The following MGAT5 variants were observed in gnomAD, a reference collection of about 807,000 sequenced individuals.
MGAT5 encodes the protein alpha-1,6-mannosylglycoprotein 6-beta-N-acetylglucosaminyltransferase A.
A neutral mutation model predicts 94.3 loss-of-function variants in MGAT5; 30 were observed. The ratio of observed to expected loss-of-function variants is 0.32; its 90% CI spans 0.24 to 0.43. The LOEUF is 0.43. MGAT5 is among the 20% of genes least tolerant of loss of function. MGAT5 has a pLI of 1.00. For missense variants in MGAT5, 691 were observed against 905.5 expected, an observed-to-expected ratio of 0.76 and a Z score of 3.04; for synonymous variants, 310 against 322.9, an observed-to-expected ratio of 0.96 and a Z score of 0.43.
At chr2:134,230,699 G>A (rs190492697) in intron 1 of MGAT5, among the ~76,000 whole-genome samples, 434 of 152,246 alleles carry the variant, frequency 2.9e-3, no homozygotes, top group Non-Finnish European at 5.2e-3. Context: ...TCATACACTG[G>A]TGGTAGGAAT....
At chr2:134,340,584 A>C (rs924764266) in intron 6 of MGAT5, among the ~76,000 whole-genome samples, 4 of 152,310 alleles carry the variant, frequency 2.6e-5, no homozygotes, top group Admixed American at 6.5e-5. Flanking sequence ...ATTCTGAAAA[A>C]CTGGCAAATG....
intron 10 of MGAT5, among the ~76,000 whole-genome samples, chr2:134,397,404 C>T (rs1191725778): frequency 6.6e-6 from 1 of 152,080 alleles, no homozygotes; most frequent in Admixed American, 6.5e-5. Flanking sequence ...TCACCAGGGG[C>T]CACAGAGACA....
chr2:134,351,244 G>A (rs542200908), intron 9 of MGAT5, among the ~76,000 whole-genome samples: 1 of 152,256 alleles, frequency 6.6e-6, no homozygotes, highest in South Asian at 2.1e-4. Flanking sequence ...TGGCACGTTA[G>A]ATAACAGATG....
At chr2:134,178,127 G>A (rs1688566466) in intron 1 of MGAT5, among the ~76,000 whole-genome samples, 1 of 152,012 alleles carries the variant, frequency 6.6e-6, no homozygotes, top group Admixed American at 6.5e-5. Context: ...GATTTTGGGA[G>A]TGAGTTTGGG....
chr2:134,207,977 T>C (rs1052094856), intron 1 of MGAT5, among the ~76,000 whole-genome samples: 3 of 152,116 alleles, frequency 2.0e-5, no homozygotes, highest in African/African-American at 7.2e-5. Flanking sequence ...GTGAAAAGAC[T>C]TTGCGTTCTA....
intron 2 of MGAT5, among the ~76,000 whole-genome samples, chr2:134,279,839 A>G (rs1038050362): frequency 1.3e-5 from 2 of 152,232 alleles, no homozygotes; most frequent in African/African-American, 2.4e-5. Context: ...AGCATAGCAT[A>G]TGCTTCCTCA....
At chr2:134,187,183 T>C (rs180671686) in intron 1 of MGAT5, among the ~76,000 whole-genome samples, 1 of 152,290 alleles carries the variant, frequency 6.6e-6, no homozygotes, top group Non-Finnish European at 1.5e-5. Context: ...AGAATTTGGG[T>C]TCCATCATGA....
intron 1 of MGAT5, among the ~76,000 whole-genome samples, chr2:134,197,372 TGA>T (rs1355262259): frequency 6.6e-6 from 1 of 152,222 alleles, no homozygotes; most frequent in East Asian, 1.9e-4. Flanking sequence ...GTAATTTATA[TGA>T]GAGAGTCTGG....
At chr2:134,217,238 G>GGTGTGTGTGTGTGTGTGT (rs35795776) in intron 1 of MGAT5, among the ~76,000 whole-genome samples, 2,532 of 145,178 alleles carry the variant, frequency 0.017, 30 homozygotes, top group Non-Finnish European at 0.019. Context: ...GAGAGAGAGT[G>GGTGTGTGTGTGTGTGTGT]GTGTGTGTGT....
chr2:134,402,711 T>C (rs1204071544), intron 10 of MGAT5, among the ~76,000 whole-genome samples: 3 of 152,256 alleles, frequency 2.0e-5, no homozygotes, highest in Admixed American at 2.0e-4. Context: ...GTATTTCCTC[T>C]TGCAAAATTA....
intron 1 of MGAT5, among the ~76,000 whole-genome samples, chr2:134,169,405 CACACACAG>C (rs1357215178): frequency 7.1e-4 from 86 of 120,416 alleles, no homozygotes; most frequent in African/African-American, 2.3e-3. Context: ...CACACACACA[CACACACAG>C]ACACACACAC....
chr2:134,281,002 T>G (rs563194049), intron 2 of MGAT5, among the ~76,000 whole-genome samples: 1 of 152,240 alleles, frequency 6.6e-6, no homozygotes, highest in Non-Finnish European at 1.5e-5. Context: ...CAGAAGCTAC[T>G]TGGCAGTCAC....
intron 10 of MGAT5, among the ~76,000 whole-genome samples, chr2:134,393,957 C>A (rs1682561356): frequency 6.7e-6 from 1 of 150,218 alleles, no homozygotes; most frequent in Non-Finnish European, 1.5e-5. Context: ...ATTCAGGCTG[C>A]CCTTTTTATT....
rs114472128 is a variant in MGAT5, at chr2:134,166,757, C to T, written c.-143+46466C>T. Among the ~76,000 whole-genome samples, 868 of 152,264 alleles carry T rather than the reference C, an allele frequency of 5.7e-3. 4 individuals are homozygous for T. Among genetic ancestry groups the T allele is most frequent in the African/African-American group, 0.019 (788 of 41,564 alleles). On this transcript the variant is annotated intron_variant, in intron 1 of 16. Transcript: ENST00000409645. ...AGGAAATGTCTCTGAATGTTTCCTA[C>T]TTTGGTAATTAGTTAAGTTAGATGT...
chr2:134,426,891 C>T (rs976111625), intron 13 of MGAT5, among the ~76,000 whole-genome samples: 3 of 152,144 alleles, frequency 2.0e-5, no homozygotes, highest in Admixed American at 6.5e-5. Flanking sequence ...CCTCTCTGTT[C>T]TTGTAGAATA....
At chr2:134,286,193 A>G (rs1684989691) in intron 2 of MGAT5, among the ~76,000 whole-genome samples, 1 of 152,172 alleles carries the variant, frequency 6.6e-6, no homozygotes, top group Admixed American at 6.5e-5. Context: ...ATAGTTTACC[A>G]TGCTTTTATT....
intron 1 of MGAT5, among the ~76,000 whole-genome samples, chr2:134,248,912 T>G (rs1393560173): frequency 6.6e-6 from 1 of 152,148 alleles, no homozygotes; most frequent in African/African-American, 2.4e-5. Context: ...CCATTGGAAC[T>G]GGGCTGCTGC....
chr2:134,430,520 AAGGAAGGAAGGG>A (rs1234255273), intron 14 of MGAT5, among the ~76,000 whole-genome samples: 1 of 152,110 alleles, frequency 6.6e-6, no homozygotes, highest in Non-Finnish European at 1.5e-5. Flanking sequence ...AGAAACAATG[AAGGAAGGAAGGG>A]AGGAAGGGAG....
intron 9 of MGAT5, among the ~76,000 whole-genome samples, chr2:134,360,684 C>T (rs1573914410): frequency 2.0e-5 from 3 of 152,186 alleles, no homozygotes; most frequent in South Asian, 2.1e-4. Context: ...TTCCTCTCCC[C>T]GCTAATCCTT....
Sources: allele counts gnomAD v4.1 joint callset (sites outside exome capture counted in the v4.1 genomes callset), GRCh38; gene constraint gnomAD v4.1.1; transcripts MANE v1.5; gene names NCBI Gene and HGNC (gene_info 2026-07-23, HGNC 2026-07-21).